The following GRIK2 variants were observed in gnomAD, a reference collection of about 807,000 sequenced individuals.
GRIK2 encodes the protein glutamate ionotropic receptor kainate type subunit 2, also known as glutamate receptor ionotropic, kainate 2.
GRIK2 carries 32 observed loss-of-function variants against 100.3 expected under a neutral mutation model. That is an observed-to-expected ratio of 0.32 (90% CI 0.24 to 0.43). The LOEUF (loss-of-function observed/expected upper bound fraction) is 0.43, where lower values mean the gene tolerates loss of function less well. Among genes scored for constraint, GRIK2 ranks in the 20% least tolerant of loss-of-function variants. GRIK2 has a pLI of 1.00. For missense variants in GRIK2, 843 were observed against 1,114.9 expected (o/e 0.76, Z 3.47); for synonymous variants, 417 against 389.4 (o/e 1.07, Z -0.83).
At chr6:101,538,598 A>G (rs1475201141) in intron 2 of GRIK2, among the ~76,000 whole-genome samples, 2 of 147,464 alleles carry the variant, frequency 1.4e-5, no homozygotes, top group Non-Finnish European at 3.0e-5. Context: ...TTGACACACA[A>G]ATGCCCTCAG....
At chr6:101,620,364 A>T (rs1305758224) in intron 2 of GRIK2, 1 of 159,886 alleles carries the variant, frequency 6.3e-6, no homozygotes, top group Non-Finnish European at 1.3e-5. Flanking sequence ...TCACAAGTTG[A>T]TTGTTTTAGT....
chr6:101,593,992 TA>T (rs1272065712), intron 2 of GRIK2, among the ~76,000 whole-genome samples: 1 of 151,854 alleles, frequency 6.6e-6, no homozygotes, highest in Non-Finnish European at 1.5e-5. Context: ...AAAGCATATG[TA>T]AAAAACAAAA....
intron 10 of GRIK2, among the ~76,000 whole-genome samples, chr6:101,844,021 TTAAA>T (rs1783668058): frequency 6.6e-6 from 1 of 152,094 alleles, no homozygotes; most frequent in Non-Finnish European, 1.5e-5. Context: ...TAGATATCTA[TTAAA>T]TAGATTATAC....
At chr6:101,546,386 T>C (rs1011668277) in intron 2 of GRIK2, among the ~76,000 whole-genome samples, 1 of 152,182 alleles carries the variant, frequency 6.6e-6, no homozygotes, top group Non-Finnish European at 1.5e-5. Flanking sequence ...TTGAGAATTT[T>C]CTATATCTCC....
intron 2 of GRIK2, among the ~76,000 whole-genome samples, chr6:101,436,782 TTTA>T (rs1259650148): frequency 4.0e-5 from 6 of 150,886 alleles, no homozygotes; most frequent in African/African-American, 1.2e-4. Flanking sequence ...TGATTTAAAG[TTTA>T]TTATTATTAT....
intron 2 of GRIK2, among the ~76,000 whole-genome samples, chr6:101,523,546 G>A (rs929334159): frequency 3.1e-4 from 47 of 152,136 alleles, no homozygotes; most frequent in African/African-American, 1.1e-3. Context: ...GATCTGGGCC[G>A]TAAATGCTTG....
chr6:101,874,083 A>AG (rs1444601425), intron 11 of GRIK2, among the ~76,000 whole-genome samples: 1 of 152,160 alleles, frequency 6.6e-6, no homozygotes, highest in African/African-American at 2.4e-5. Flanking sequence ...TTTGCTGTGC[A>AG]GAAGCTCTTT....
intron 12 of GRIK2, among the ~76,000 whole-genome samples, chr6:101,895,759 A>G (rs979214052): frequency 6.6e-6 from 1 of 151,796 alleles, no homozygotes; most frequent in African/African-American, 2.4e-5. Context: ...AACTTTAGAT[A>G]TATTTTATTT....
At chr6:101,600,115 A>G (rs909689542) in intron 2 of GRIK2, among the ~76,000 whole-genome samples, 2 of 151,752 alleles carry the variant, frequency 1.3e-5, no homozygotes, top group Non-Finnish European at 2.9e-5. Flanking sequence ...TATTCTTCAT[A>G]TAGCTAGCCA....
chr6:101,553,964 CG>C (rs2128293274), intron 2 of GRIK2, among the ~76,000 whole-genome samples: 1 of 152,230 alleles, frequency 6.6e-6, no homozygotes, highest in African/African-American at 2.4e-5. Flanking sequence ...CCTCAGTGGA[CG>C]GGTGTTGTTT....
At chr6:101,620,700 A>G (rs1302700154) in intron 2 of GRIK2, among the ~76,000 whole-genome samples, 1 of 152,186 alleles carries the variant, frequency 6.6e-6, no homozygotes, top group Non-Finnish European at 1.5e-5. Context: ...CATGGTGTGA[A>G]ATTTGAAAGG....
chr6:101,716,518 T>A (rs1357429506), intron 7 of GRIK2, among the ~76,000 whole-genome samples: 1 of 147,832 alleles, frequency 6.8e-6, no homozygotes, highest in East Asian at 2.1e-4. Flanking sequence ...TCTTATGGAC[T>A]CCACTGACAA....
At chr6:101,512,124 A>C (rs1774353479) in intron 2 of GRIK2, among the ~76,000 whole-genome samples, 1 of 151,648 alleles carries the variant, frequency 6.6e-6, no homozygotes, top group Non-Finnish European at 1.5e-5. Context: ...CTGCCATTAT[A>C]TTCATTTATT....
intron 2 of GRIK2, among the ~76,000 whole-genome samples, chr6:101,583,732 T>A (rs999947077): frequency 3.1e-4 from 47 of 152,160 alleles, no homozygotes; most frequent in African/African-American, 1.1e-3. Flanking sequence ...AAAACTTGTT[T>A]AGTGATAACT....
chr6:101,472,832 A>G (rs1281894825), intron 2 of GRIK2, among the ~76,000 whole-genome samples: 1 of 151,854 alleles, frequency 6.6e-6, no homozygotes, highest in East Asian at 1.9e-4. Context: ...GAAATGGTAT[A>G]TATTCAGAAT....
intron 2 of GRIK2, among the ~76,000 whole-genome samples, chr6:101,586,386 T>TC (rs1778364460): frequency 6.6e-6 from 1 of 152,084 alleles, no homozygotes; most frequent in Non-Finnish European, 1.5e-5. Context: ...TACAGAGATC[T>TC]CCAAGTAGAC....
intron 11 of GRIK2, among the ~76,000 whole-genome samples, chr6:101,884,363 C>T (rs572825293): frequency 1.3e-5 from 2 of 152,140 alleles, no homozygotes; most frequent in Admixed American, 6.6e-5. Context: ...GATTTTCCAG[C>T]GTTAAACTGC....
chr6:101,983,603 T>C (rs1225433946), intron 14 of GRIK2, among the ~76,000 whole-genome samples: 2 of 151,820 alleles, frequency 1.3e-5, no homozygotes, highest in African/African-American at 2.4e-5. Flanking sequence ...ATAGAAAATA[T>C]ATAACTCAAT....
chr6:102,067,044 T>C (rs1772051650), intron 16 of GRIK2, among the ~76,000 whole-genome samples: 1 of 151,694 alleles, frequency 6.6e-6, no homozygotes, highest in Non-Finnish European at 1.5e-5. Flanking sequence ...GAATCAGTTT[T>C]CTCTGACACA....
Sources: gnomAD v4.1 joint callset for allele counts (sites outside exome capture counted in the v4.1 genomes callset) on GRCh38, gnomAD v4.1.1 for gene constraint, MANE v1.5 for transcripts, NCBI Gene and HGNC (gene_info 2026-07-23, HGNC 2026-07-21) for gene names.